The following NBEAL1 variants were observed in gnomAD, a reference collection of about 807,000 sequenced individuals.
The protein encoded by NBEAL1 is neurobeachin like 1.
A neutral mutation model predicts 351.3 loss-of-function variants in NBEAL1; 273 were observed. The observed-to-expected ratio is 0.78, with a 90% CI of 0.70 to 0.86. The LOEUF (loss-of-function observed/expected upper bound fraction) is 0.86, where lower values mean the gene tolerates loss of function less well. Among genes scored for constraint, NBEAL1 ranks in the 40% least tolerant of loss-of-function variants. NBEAL1 has a pLI of 0.00. For synonymous variants in NBEAL1, 1,050 were observed against 1,086.4 expected (o/e 0.97, Z 0.66); for missense variants, 2,961 against 3,201.3 (o/e 0.92, Z 1.81).
intron 2 of NBEAL1, among the ~76,000 whole-genome samples, chr2:203,033,804 C>T (rs1340619804): frequency 6.6e-6 from 1 of 152,154 alleles, no homozygotes; most frequent in Non-Finnish European, 1.5e-5. Flanking sequence ...ATCATTTCCA[C>T]ACTGGAATGA....
chr2:203,133,132 GC>G lies in NBEAL1; in HGVS notation c.3801del (p.Ile1268SerfsTer29). ...SHRAHINVRVAICRKVLQILQ... is the reference protein window; with the variant it reads ...SHRAHINVRVXICRKVLQILQ... ...CAGAGCACATATAAATGTTAGAGTG[GC>G]CATCTGCAGAAAGGTCAGTAAACTC... is the stretch of plus-strand genomic sequence containing the variant. On this transcript the variant is annotated frameshift_variant, in exon 27 of 56. Coordinates refer to ENST00000683969, the MANE Select transcript of NBEAL1 (RefSeq NM_001378026.1). LOFTEE classifies it high-confidence loss of function. 1 of 1,476,694 alleles carries G rather than the reference GC, an allele frequency of 6.8e-7. No homozygotes were observed. Among genetic ancestry groups the G allele is most frequent in the Non-Finnish European group, 9.2e-7 (1 of 1,087,694 alleles). The allele number at this position is 1,476,694 out of a possible 1,614,324, so 91.5% of individuals were successfully genotyped here. A position where few individuals can be genotyped will look rare whatever the true frequency, so the allele number is the denominator to read the frequency against.
intron 42 of NBEAL1, among the ~76,000 whole-genome samples, chr2:203,179,985 G>C (rs1559042485): frequency 6.6e-6 from 1 of 152,056 alleles, no homozygotes; most frequent in Non-Finnish European, 1.5e-5. Flanking sequence ...TGTTGGCCAG[G>C]CTGGTCTTGA....
intron 24 of NBEAL1, 65 bp downstream of exon 24, chr2:203,128,002 A>G: frequency 8.1e-7 from 1 of 1,228,828 alleles, no homozygotes; most frequent in Non-Finnish European, 1.2e-6. Flanking sequence ...CATCTTCTGA[A>G]CGTATGTTTG....
At chr2:203,206,047 G>A (rs1052803672) in intron 51 of NBEAL1, among the ~76,000 whole-genome samples, 1 of 152,260 alleles carries the variant, frequency 6.6e-6, no homozygotes, top group Non-Finnish European at 1.5e-5. Flanking sequence ...GACAAAGCAC[G>A]CTAAAGACAT....
At chr2:203,123,940 T>A (rs2062883785) in intron 19 of NBEAL1, among the ~76,000 whole-genome samples, 1 of 150,932 alleles carries the variant, frequency 6.6e-6, no homozygotes, top group African/African-American at 2.4e-5. Flanking sequence ...ACCAAAAAAG[T>A]TAAATGACAA....
intron 10 of NBEAL1, chr2:203,085,271 G>A (rs1307687859): frequency 1.3e-5 from 2 of 152,162 alleles, no homozygotes; most frequent in East Asian, 3.8e-4. Flanking sequence ...TGTATTTGTA[G>A]TAGAGACCGG....
chr2:203,064,335 G>T (rs1412734239), intron 6 of NBEAL1, among the ~76,000 whole-genome samples: 1 of 152,146 alleles, frequency 6.6e-6, no homozygotes, highest in Non-Finnish European at 1.5e-5. Context: ...TTACAGGTGT[G>T]AGCCACTGCG....
intron 6 of NBEAL1, among the ~76,000 whole-genome samples, chr2:203,063,248 G>T (rs2061528050): frequency 6.6e-6 from 1 of 151,968 alleles, no homozygotes; most frequent in African/African-American, 2.4e-5. Flanking sequence ...GCCAAGGCAG[G>T]AGAATTGGTT....
chr2:203,021,213 C>T (rs540446785), intron 2 of NBEAL1, among the ~76,000 whole-genome samples: 1 of 151,950 alleles, frequency 6.6e-6, no homozygotes, highest in Non-Finnish European at 1.5e-5. Context: ...AACTCCTGAC[C>T]TCAGGCGATC....
At chr2:203,208,569 A>G in intron 51 of NBEAL1, 68 bp from the exon 52 acceptor site, 3 of 1,098,922 alleles carry the variant, frequency 2.7e-6, no homozygotes, top group Non-Finnish European at 4.1e-6. Context: ...TTTAAATGCA[A>G]TATAAACCTT....
At chr2:203,119,719 C>A (rs2062787515) in intron 18 of NBEAL1, among the ~76,000 whole-genome samples, 1 of 152,132 alleles carries the variant, frequency 6.6e-6, no homozygotes. Flanking sequence ...AGCCACCGTG[C>A]CCGGCCCAGT....
chr2:203,139,617 G>A (rs1478851249), intron 31 of NBEAL1, among the ~76,000 whole-genome samples: 2 of 125,976 alleles, frequency 1.6e-5, no homozygotes, highest in African/African-American at 3.0e-5. Context: ...CTTCCAGGCT[G>A]GAGTGCGGTG....
intron 33 of NBEAL1, among the ~76,000 whole-genome samples, chr2:203,147,624 T>C (rs1467929162): frequency 5.9e-5 from 9 of 152,088 alleles, no homozygotes. Context: ...ATGAGAACAT[T>C]GTTCCTTTCT....
intron 7 of NBEAL1, 36 bp from the exon 8 acceptor site, chr2:203,077,716 A>G (rs769354921): frequency 4.4e-6 from 5 of 1,148,554 alleles, no homozygotes; most frequent in Non-Finnish European, 4.7e-6. Context: ...TGAAAGACAA[A>G]TCTTATTTAT....
chr2:203,077,640 G>A (rs1203143009), intron 7 of NBEAL1, 112 bp from the exon 8 acceptor site: 30 of 599,616 alleles, frequency 5.0e-5, no homozygotes, highest in Non-Finnish European at 2.6e-6. Context: ...TTTTAACACA[G>A]ATCAGCCTTT....
intron 12 of NBEAL1, among the ~76,000 whole-genome samples, chr2:203,104,721 A>G (rs2062396348): frequency 6.6e-6 from 1 of 152,094 alleles, no homozygotes; most frequent in Non-Finnish European, 1.5e-5. Context: ...TCCCTTCAGG[A>G]TATCTTGTAA....
intron 3 of NBEAL1, among the ~76,000 whole-genome samples, chr2:203,044,326 ATATTCT>A (rs1353938995): frequency 6.6e-6 from 1 of 152,228 alleles, no homozygotes; most frequent in Non-Finnish European, 1.5e-5. Flanking sequence ...CAATAAAATA[ATATTCT>A]TATGATTTGT....
chr2:203,184,294 G>C (rs1211920513), intron 44 of NBEAL1, among the ~76,000 whole-genome samples: 1 of 151,988 alleles, frequency 6.6e-6, no homozygotes, highest in East Asian at 1.9e-4. Context: ...AGGTGGGTGT[G>C]TTGGCGGGTG....
intron 18 of NBEAL1, among the ~76,000 whole-genome samples, chr2:203,116,609 A>G (rs973671310): frequency 1.4e-5 from 2 of 145,010 alleles, no homozygotes; most frequent in African/African-American, 2.5e-5. Context: ...CTGTCTCTAT[A>G]AAACTTATGA....
Sources: gnomAD v4.1 joint callset for allele counts (sites outside exome capture counted in the v4.1 genomes callset) on GRCh38, gnomAD v4.1.1 for gene constraint, MANE v1.5 for transcripts, NCBI Gene and HGNC (gene_info 2026-07-23, HGNC 2026-07-21) for gene names.